SPATA6: variants seen among roughly 807,000 people sequenced by gnomAD.
SPATA6 encodes spermatogenesis associated 6, also known as spermatogenesis-associated protein 6.
A neutral mutation model predicts 65.3 loss-of-function variants in SPATA6; 56 were observed. The ratio of observed to expected loss-of-function variants is 0.86; its 90% CI spans 0.69 to 1.07. The LOEUF is 1.07. SPATA6 is among the 50% of genes least tolerant of loss of function. SPATA6 has a pLI of 0.00. For synonymous variants in SPATA6, 199 were observed against 213.2 expected (o/e 0.93, Z 0.58); for missense variants, 590 against 594.8 (o/e 0.99, Z 0.08).
rs779888823 is a variant in SPATA6, at chr1:48,399,440, C to T, written c.691G>A (p.Glu231Lys). The stretch of plus-strand genomic sequence containing the variant: ...TGGGCCAGCCGCCGCCTGGTGTCTT[C>T]AGATAGCTCACACATGCGTCTTTTT... The part of the protein sequence containing the change: ...YTKRRMCELS[E>K]DTRRRLAHLN... Residue 231 changes from glutamate (E) to lysine (K), a missense_variant, in exon 7 of 13, where the codon GAA (glutamate) becomes AAA (lysine). Transcript: ENST00000371847. The T allele has an allele frequency of 5.6e-6, 9 of 1,613,168 alleles. No individual in the cohort carries two copies. The highest frequency in any genetic ancestry group is 6.8e-6 in the Non-Finnish European group (8 of 1,179,386).
intron 3 of SPATA6, chr1:48,436,090 C>T: frequency 6.2e-7 from 1 of 1,609,934 alleles, no homozygotes; most frequent in Non-Finnish European, 8.5e-7. Context: ...CTGGTCACCT[C>T]CATCCACTAG....
chr1:48,433,851 CTT>C (rs1654628259), intron 3 of SPATA6, among the ~76,000 whole-genome samples: 1 of 152,132 alleles, frequency 6.6e-6, no homozygotes, highest in African/African-American at 2.4e-5. Flanking sequence ...TCAAAAAAGA[CTT>C]TACCTGATAT....
At chr1:48,318,597 A>G (rs1477590281) in intron 11 of SPATA6, among the ~76,000 whole-genome samples, 2 of 152,172 alleles carry the variant, frequency 1.3e-5, no homozygotes, top group African/African-American at 2.4e-5. Context: ...ACTGAACTAT[A>G]AAACATATTT....
intron 3 of SPATA6, among the ~76,000 whole-genome samples, chr1:48,448,597 TCATAATTGCCCAAAA>T (rs1051358379): frequency 6.6e-5 from 10 of 152,104 alleles, no homozygotes; most frequent in East Asian, 1.9e-4. Context: ...CCAACATGGT[TCATAATTGCCCAAAA>T]CATAATTGCC....
intron 5 of SPATA6, among the ~76,000 whole-genome samples, chr1:48,405,518 G>A (rs1374957898): frequency 6.6e-6 from 1 of 152,162 alleles, no homozygotes; most frequent in Admixed American, 6.5e-5. Flanking sequence ...TCTCAAGAAG[G>A]TTCATTCCCA....
At chr1:48,367,371 A>G (rs940687128) in intron 9 of SPATA6, among the ~76,000 whole-genome samples, 1,806 of 151,778 alleles carry the variant, frequency 0.012, 43 homozygotes, top group African/African-American at 0.041. Context: ...CTGTCTCGTT[A>G]ATCTGTCTAA....
chr1:48,380,914 G>A (rs1390176912), intron 9 of SPATA6, among the ~76,000 whole-genome samples: 1 of 152,184 alleles, frequency 6.6e-6, no homozygotes, highest in Non-Finnish European at 1.5e-5. Flanking sequence ...CCAGGAACCA[G>A]TTTTGTGGAA....
At chr1:48,444,142 G>A (rs1655781632) in intron 3 of SPATA6, among the ~76,000 whole-genome samples, 1 of 152,210 alleles carries the variant, frequency 6.6e-6, no homozygotes, top group African/African-American at 2.4e-5. Context: ...GGGACTTGGA[G>A]AACTTTTGTG....
chr1:48,344,076 C>T (rs998509927), intron 11 of SPATA6: 1 of 152,058 alleles, frequency 6.6e-6, no homozygotes, highest in Non-Finnish European at 1.5e-5. Flanking sequence ...AATTAAAACA[C>T]CATGATTTCC....
rs1284820807 is a variant in SPATA6 at position 48,295,972 on chromosome 1, T to C, written c.*2741A>G. ...CATAAATGACTTAAATAAGGTTATA[T>C]AACTAGCTAGTAGAACCAAGGAAGA... is the stretch of plus-strand genomic sequence containing the variant. On this transcript the variant is annotated 3_prime_UTR_variant, in exon 13 of 13. Coordinates refer to ENST00000371847, the MANE Select transcript of SPATA6 (RefSeq NM_019073.4). 6.6e-6 allele frequency: 1 copy of C among 152,090 alleles called. No individual in the cohort carries two copies. Among genetic ancestry groups the C allele is most frequent in the Admixed American group, 6.6e-5 (1 of 15,266 alleles). The allele number at this position is 152,090 out of a possible 1,614,324, so 9.4% of individuals were successfully genotyped here.
intron 1 of SPATA6, among the ~76,000 whole-genome samples, chr1:48,460,372 A>G (rs1029109733): frequency 2.6e-5 from 4 of 152,236 alleles, no homozygotes; most frequent in Non-Finnish European, 5.9e-5. Context: ...AGCCTCATTC[A>G]TAATAAATGT....
chr1:48,462,605 A>T (rs558507761), intron 1 of SPATA6, among the ~76,000 whole-genome samples: 4 of 152,322 alleles, frequency 2.6e-5, no homozygotes, highest in East Asian at 3.9e-4. Context: ...ATTTCAGAGT[A>T]AGTAAGATTG....
chr1:48,332,704 C>A (rs1011476729), intron 11 of SPATA6, among the ~76,000 whole-genome samples: 5 of 152,148 alleles, frequency 3.3e-5, no homozygotes, highest in African/African-American at 7.2e-5. Context: ...AGGACCTGAA[C>A]TCAACACTTG....
chr1:48,409,570 A>G (rs1428242312), intron 5 of SPATA6, among the ~76,000 whole-genome samples: 3 of 152,190 alleles, frequency 2.0e-5, no homozygotes. Flanking sequence ...TTTCCCTTCT[A>G]GGCTGCCCTA....
chr1:48,278,030 C>A, the SPATA6 span, among the ~76,000 whole-genome samples: 9 of 152,124 alleles, frequency 5.9e-5, no homozygotes, highest in Non-Finnish European at 1.0e-4. Context: ...TCAAGAAAAC[C>A]CACTGTTATG....
At chr1:48,277,345 C>T in the SPATA6 span, among the ~76,000 whole-genome samples, 28 of 151,990 alleles carry the variant, frequency 1.8e-4, no homozygotes, top group Middle Eastern at 3.4e-3. Flanking sequence ...GTGGGTGCAG[C>T]GCACCATGCG....
At chr1:48,469,615 C>CT in intron 1 of SPATA6, among the ~76,000 whole-genome samples, 1 of 151,822 alleles carries the variant, frequency 6.6e-6, no homozygotes, top group Non-Finnish European at 1.5e-5. Flanking sequence ...CAACACTTCT[C>CT]TGAGTATATC....
chr1:48,408,978 A>G (rs1427764352), intron 5 of SPATA6, among the ~76,000 whole-genome samples: 1 of 152,094 alleles, frequency 6.6e-6, no homozygotes, highest in African/African-American at 2.4e-5. Context: ...GGACCCTCCC[A>G]AATCTCTTAT....
chr1:48,437,924 GCT>G (rs1367491038), intron 3 of SPATA6, among the ~76,000 whole-genome samples: 3 of 149,532 alleles, frequency 2.0e-5, no homozygotes, highest in Non-Finnish European at 3.0e-5. Flanking sequence ...ACCAATCAGC[GCT>G]CTGTGTCTAG....
Sources: allele counts gnomAD v4.1 joint callset (sites outside exome capture counted in the v4.1 genomes callset), GRCh38; gene constraint gnomAD v4.1.1; transcripts MANE v1.5; gene names NCBI Gene and HGNC (gene_info 2026-07-23, HGNC 2026-07-21).